Variants in ATP7B observed in about 807,000 individuals in gnomAD.
ATP7B encodes copper-transporting ATPase 2.
Under a neutral mutation model 118.9 loss-of-function variants are expected in ATP7B, and 113 were observed. The observed-to-expected ratio is 0.95, with a 90% CI of 0.82 to 1.11. The LOEUF (loss-of-function observed/expected upper bound fraction) is 1.11, where lower values mean the gene tolerates loss of function less well. ATP7B is among the 50% of genes most tolerant of loss of function. The pLI, the probability that ATP7B is intolerant of heterozygous loss-of-function variation, is 0.00. For synonymous variants in ATP7B, 777 were observed against 727.4 expected, an observed-to-expected ratio of 1.07 and a Z score of -1.10; for missense variants, 1,867 against 1,871.4, an observed-to-expected ratio of 1.00 and a Z score of 0.04.
rs1032136307 is a variant in ATP7B at position 51,966,852 on chromosome 13, A to T, written c.1707+1592T>A. The T allele has an allele frequency of 2.0e-5, 33 of 1,613,090 alleles. No homozygotes were observed. In the East Asian group the frequency reaches 6.7e-4, roughly 33 times the overall value. On this transcript the variant is annotated intron_variant, in intron 4 of 20. Coordinates refer to ENST00000242839, the MANE Select transcript of ATP7B (RefSeq NM_000053.4). ...GAATAGCTTTGCAAAAAATGGGCGC[A>T]ATGGCCAAGCCAGATTGTATCATCA...
chr13:51,991,543 T>C (rs1365106280), intron 1 of ATP7B, among the ~76,000 whole-genome samples: 1 of 151,726 alleles, frequency 6.6e-6, no homozygotes, highest in African/African-American at 2.4e-5. Context: ...GCCAAAGAAG[T>C]CAACAGAGTC....
chr13:51,992,865 C>G (rs1484159449), intron 1 of ATP7B, among the ~76,000 whole-genome samples: 2 of 150,088 alleles, frequency 1.3e-5, no homozygotes, highest in African/African-American at 4.9e-5. Flanking sequence ...GTAGTCCCAG[C>G]TACTCTGGAG....
chr13:51,948,799 T>C (rs543397543), intron 12 of ATP7B, among the ~76,000 whole-genome samples: 17 of 152,358 alleles, frequency 1.1e-4, no homozygotes, highest in South Asian at 2.1e-4. Context: ...TTTCCTAAGA[T>C]AGTGTTCTTC....
At chr13:51,938,950 A>G in intron 17 of ATP7B, 101 bp downstream of exon 17, 1 of 1,562,580 alleles carries the variant, frequency 6.4e-7, no homozygotes, top group Non-Finnish European at 8.8e-7. Flanking sequence ...GCAAGGGAGA[A>G]AGAGCAGGAG....
rs1161317577 is a variant in ATP7B at position 51,934,646 on chromosome 13, G to A, written c.*110C>T. The A allele has an allele frequency of 3.3e-5, 50 of 1,520,684 alleles. No homozygotes were observed. The highest frequency in any genetic ancestry group is 4.6e-5 in the East Asian group (2 of 43,576). 94.2% of individuals were successfully genotyped at this position (1,520,684 alleles called of 1,614,324 possible). On this transcript the variant is annotated 3_prime_UTR_variant, in exon 21 of 21. Transcript: ENST00000242839. ...GGATGACTGGACATATCCAGGGAGC[G>A]GAAGTCCCCAAAGCTGGAGGCTAGC...
intron 1 of ATP7B, among the ~76,000 whole-genome samples, chr13:52,006,296 T>C (rs1167146538): frequency 6.6e-6 from 1 of 152,180 alleles, no homozygotes; most frequent in Admixed American, 6.5e-5. Flanking sequence ...TCCCTCCCAT[T>C]GAGAAGAAAA....
chr13:51,957,716 G>T, intron 8 of ATP7B, 109 bp from the exon 9 acceptor site: 3 of 1,045,732 alleles, frequency 2.9e-6, no homozygotes, highest in Non-Finnish European at 1.5e-6. Flanking sequence ...GAGAGAAACA[G>T]CCGCACGGCA....
At chr13:51,938,904 G>A in intron 17 of ATP7B, 147 bp downstream of exon 17, 1 of 1,301,744 alleles carries the variant, frequency 7.7e-7, no homozygotes, top group Non-Finnish European at 1.1e-6. Context: ...ACACTACATG[G>A]CCACAGAATG....
chr13:51,997,429 T>C (rs1039523722), intron 1 of ATP7B, among the ~76,000 whole-genome samples: 1 of 152,236 alleles, frequency 6.6e-6, no homozygotes, highest in Non-Finnish European at 1.5e-5. Flanking sequence ...GGAAAATATG[T>C]TGGGATCATA....
intron 9 of ATP7B, among the ~76,000 whole-genome samples, chr13:51,954,491 A>G (rs1057259159): frequency 6.6e-6 from 1 of 152,276 alleles, no homozygotes; most frequent in Admixed American, 6.5e-5. Context: ...AAATGGCTGC[A>G]AGCAGTATGA....
chr13:51,962,031 G>A (rs1316787342), intron 5 of ATP7B, 118 bp from the exon 6 acceptor site: 1 of 820,142 alleles, frequency 1.2e-6, no homozygotes, highest in Non-Finnish European at 2.0e-6. Flanking sequence ...AAGTGCCTCA[G>A]TAGACTTTGT....
At chr13:51,986,242 G>A (rs556136689) in intron 1 of ATP7B, among the ~76,000 whole-genome samples, 2 of 152,204 alleles carry the variant, frequency 1.3e-5, no homozygotes, top group African/African-American at 4.8e-5. Flanking sequence ...TATCACCACC[G>A]ATCCCACAGA....
chr13:51,950,851 G>A (rs553439367), intron 9 of ATP7B, among the ~76,000 whole-genome samples: 3 of 152,180 alleles, frequency 2.0e-5, no homozygotes, highest in African/African-American at 7.2e-5. Flanking sequence ...TTCACGGAGA[G>A]AAAACAACTG....
chr13:52,010,026 G>A (rs1953947791), intron 1 of ATP7B, among the ~76,000 whole-genome samples: 1 of 152,116 alleles, frequency 6.6e-6, no homozygotes, highest in South Asian at 2.1e-4. Flanking sequence ...ACATGGGCAG[G>A]AGCAGTTACA....
rs1303214107 is a variant in ATP7B, at chr13:51,970,708, T to C, written c.1327A>G (p.Asn443Asp). ...TNPLGNHSAG[N>D]SMVQTTDGTP... ...CCATCTGTAGTTTGCACCATGGAAT[T>C]CCCAGCACTGTGGTTTCCAAGAGGG... Residue 443 changes from asparagine (N) to aspartate (D), a missense_variant, in exon 3 of 21, where the codon AAT (asparagine) becomes GAT (aspartate). Asn to Asp is a conservative substitution (Grantham distance 23). Transcript: ENST00000242839. 6.2e-7 allele frequency: 1 copy of C among 1,614,160 alleles called. No individual in the cohort carries two copies. Among genetic ancestry groups the C allele is most frequent in the Admixed American group, 1.7e-5 (1 of 60,030 alleles).
At chr13:51,971,125 AG>A (rs1255064129) in intron 2 of ATP7B, among the ~76,000 whole-genome samples, 4 of 152,230 alleles carry the variant, frequency 2.6e-5, no homozygotes, top group African/African-American at 4.8e-5. Flanking sequence ...GCTGGCCGCA[AG>A]GCTGTCCTCA....
chr13:51,958,565 A>G (rs1479639962), intron 7 of ATP7B, 21 bp from the exon 8 acceptor site: 1 of 1,606,928 alleles, frequency 6.2e-7, no homozygotes, highest in Non-Finnish European at 8.5e-7. Flanking sequence ...AGGACAGTGA[A>G]GGCTGCCAGC....
intron 1 of ATP7B, among the ~76,000 whole-genome samples, chr13:52,006,198 C>G (rs562507594): frequency 2.0e-5 from 3 of 152,092 alleles, no homozygotes; most frequent in Admixed American, 6.5e-5. Flanking sequence ...AATCTTTGTT[C>G]GGGGCTCTCA....
At chr13:51,941,763 T>C (rs1418497305) in intron 15 of ATP7B, among the ~76,000 whole-genome samples, 1 of 152,196 alleles carries the variant, frequency 6.6e-6, no homozygotes, top group Non-Finnish European at 1.5e-5. Context: ...GAAGCTCTCA[T>C]GGAAAGGCCA....
Sources: gnomAD v4.1 joint callset for allele counts (sites outside exome capture counted in the v4.1 genomes callset) on GRCh38, gnomAD v4.1.1 for gene constraint, MANE v1.5 for transcripts, NCBI Gene and HGNC (gene_info 2026-07-23, HGNC 2026-07-21) for gene names.